The following SIPA1L3 variants were observed in gnomAD, a reference collection of about 807,000 sequenced individuals.
SIPA1L3 encodes the protein signal-induced proliferation-associated 1-like protein 3.
SIPA1L3 carries 59 observed loss-of-function variants against 150.1 expected under a neutral mutation model. That is an observed-to-expected ratio of 0.39 (90% CI 0.32 to 0.49). SIPA1L3 has a LOEUF of 0.49. SIPA1L3 is among the 20% of genes least tolerant of loss of function. SIPA1L3 has a pLI of 0.86. For missense variants in SIPA1L3, 2,211 were observed against 2,489.5 expected (o/e 0.89, Z 2.38); for synonymous variants, 1,070 against 1,077.6 (o/e 0.99, Z 0.14).
At chr19:38,125,201 A>T (rs1303490713) in intron 9 of SIPA1L3, among the ~76,000 whole-genome samples, 1 of 151,920 alleles carries the variant, frequency 6.6e-6, no homozygotes, top group Non-Finnish European at 1.5e-5. Flanking sequence ...ATGCTCAGCT[A>T]ATTTTTGCCT....
At chr19:37,991,761 G>A (rs570923456) in intron 1 of SIPA1L3, among the ~76,000 whole-genome samples, 30 of 152,314 alleles carry the variant, frequency 2.0e-4, no homozygotes, top group Admixed American at 1.0e-3. Context: ...CTGATGCTTT[G>A]GAGCTGGAGA....
At chr19:37,913,637 C>A (rs1170454799) in intron 1 of SIPA1L3, among the ~76,000 whole-genome samples, 1 of 151,586 alleles carries the variant, frequency 6.6e-6, no homozygotes, top group Non-Finnish European at 1.5e-5. Flanking sequence ...CTCAGGTGAT[C>A]TGCCTACCTT....
intron 1 of SIPA1L3, among the ~76,000 whole-genome samples, chr19:37,953,085 G>A (rs544050853): frequency 4.9e-4 from 75 of 152,324 alleles, no homozygotes; most frequent in African/African-American, 1.5e-3. Context: ...TTAGCCAGGC[G>A]TGGTGGCGGA....
At chr19:38,145,070 GCAGT>G (rs1971675133) in intron 12 of SIPA1L3, among the ~76,000 whole-genome samples, 1 of 152,164 alleles carries the variant, frequency 6.6e-6, no homozygotes, top group Non-Finnish European at 1.5e-5. Flanking sequence ...GTTGGAAATG[GCAGT>G]CAGAGTGACT....
In SIPA1L3 at chr19:38,081,844, G is replaced by C. The variant is rs1266518560; in HGVS notation, c.279G>C (p.Leu93=). The change falls in exon 3 of 22, where the codon CTG becomes CTC. Residue 93 remains leucine (L), a synonymous_variant. Coordinates refer to ENST00000222345, the MANE Select transcript of SIPA1L3 (RefSeq NM_015073.3). ...ACTGGCCGCCCAAGCGGGAGGCCCT[G>C]AGAGAGCACAGCAACCCAAGCCCCT... ...VADWPPKREA[L]REHSNPSPSQ... The C allele has an allele frequency of 3.7e-6, 6 of 1,613,964 alleles. No individual in the cohort carries two copies. Among genetic ancestry groups the C allele is most frequent in the Non-Finnish European group, 5.1e-6 (6 of 1,179,930 alleles).
In SIPA1L3 at chr19:38,082,312, C is replaced by A. The variant is rs371388254; in HGVS notation, c.747C>A (p.His249Gln). 14 of 1,599,216 alleles carry A rather than the reference C, an allele frequency of 8.8e-6. No individual in the cohort carries two copies. The highest frequency in any genetic ancestry group is 1.1e-5 in the Non-Finnish European group (13 of 1,179,172). ...TELLRADPGPHLMGGGGGAKG... is the reference protein window; with the variant it reads ...TELLRADPGPQLMGGGGGAKG... ...TCCTCCGGGCAGATCCTGGCCCACA[C>A]CTCATGGGGGGCGGCGGCGGAGCCA... The change falls in exon 3 of 22, where the codon CAC (histidine) becomes CAA (glutamine). Residue 249 changes from histidine to glutamine, a missense_variant. This residue lies in a region of SIPA1L3 where 587 missense variants were observed against 534.5 expected (regional missense o/e 1.10). Transcript: ENST00000222345.
intron 15 of SIPA1L3, among the ~76,000 whole-genome samples, chr19:38,170,805 C>T (rs1317264201): frequency 1.3e-5 from 2 of 151,908 alleles, no homozygotes; most frequent in African/African-American, 4.8e-5. Context: ...CGATAATGTT[C>T]CTGAACGAGG....
intron 1 of SIPA1L3, among the ~76,000 whole-genome samples, chr19:37,919,109 TC>T (rs2046437168): frequency 6.6e-6 from 1 of 152,066 alleles, no homozygotes; most frequent in African/African-American, 2.4e-5. Context: ...CACAGTGGTT[TC>T]CTCTGTCAAC....
intron 16 of SIPA1L3, among the ~76,000 whole-genome samples, chr19:38,189,710 G>A (rs1007049543): frequency 2.0e-5 from 3 of 152,150 alleles, no homozygotes; most frequent in African/African-American, 7.2e-5. Context: ...AGGTTGCAGT[G>A]AGGCAAGATC....
At chr19:37,977,682 A>C (rs919794896) in intron 1 of SIPA1L3, among the ~76,000 whole-genome samples, 2 of 152,080 alleles carry the variant, frequency 1.3e-5, no homozygotes, top group African/African-American at 4.8e-5. Flanking sequence ...TCCAGGCTCC[A>C]GGCAGGTCCA....
chr19:37,976,897 C>T (rs971656836), intron 1 of SIPA1L3, among the ~76,000 whole-genome samples: 1 of 152,154 alleles, frequency 6.6e-6, no homozygotes, highest in African/African-American at 2.4e-5. Context: ...TTCAGTGGCA[C>T]AAACACAGCT....
chr19:38,194,183 C>T (rs1191028535), intron 18 of SIPA1L3, among the ~76,000 whole-genome samples: 1 of 150,444 alleles, frequency 6.6e-6, no homozygotes, highest in African/African-American at 2.4e-5. Context: ...CCTGACTGCT[C>T]CCATGTTTGC....
intron 10 of SIPA1L3, among the ~76,000 whole-genome samples, chr19:38,136,050 TTTTG>T (rs1340714853): frequency 1.5e-4 from 23 of 151,564 alleles, no homozygotes; most frequent in South Asian, 4.2e-4. Context: ...GTTTGGGTTT[TTTTG>T]TTTGTTTGTT....
At chr19:38,038,869 CTTTAATTTTTTAAT>C (rs1968848851) in intron 2 of SIPA1L3, among the ~76,000 whole-genome samples, 1 of 152,106 alleles carries the variant, frequency 6.6e-6, no homozygotes, top group South Asian at 2.1e-4. Flanking sequence ...GTTTGCATTT[CTTTAATTTTTTAAT>C]TTTAATTTTT....
At chr19:38,065,263 A>G (rs1400764968) in intron 2 of SIPA1L3, among the ~76,000 whole-genome samples, 3 of 152,036 alleles carry the variant, frequency 2.0e-5, no homozygotes, top group African/African-American at 7.2e-5. Flanking sequence ...TGCCTTTGGA[A>G]ACATGCAAAT....
At chr19:37,963,862 A>G (rs1005373093) in intron 1 of SIPA1L3, 1 of 152,192 alleles carries the variant, frequency 6.6e-6, no homozygotes, top group Admixed American at 6.5e-5. Flanking sequence ...CCAAATTTCC[A>G]AACTTTAAAT....
intron 12 of SIPA1L3, among the ~76,000 whole-genome samples, chr19:38,144,972 A>G (rs1971673319): frequency 1.3e-5 from 2 of 152,124 alleles, no homozygotes; most frequent in Admixed American, 6.5e-5. Context: ...AACAAGCAGG[A>G]TGCTGTGAAA....
At chr19:38,106,990 AAG>A (rs1970637061) in intron 7 of SIPA1L3, among the ~76,000 whole-genome samples, 1 of 152,232 alleles carries the variant, frequency 6.6e-6, no homozygotes, top group Non-Finnish European at 1.5e-5. Context: ...TAACTAGAAA[AAG>A]AGATTTATGG....
chr19:38,040,478 A>G (rs1035883334), intron 2 of SIPA1L3, among the ~76,000 whole-genome samples: 4 of 152,114 alleles, frequency 2.6e-5, no homozygotes, highest in Non-Finnish European at 5.9e-5. Flanking sequence ...AACATGGGTA[A>G]GTGGCTGAGT....
Sources: allele counts gnomAD v4.1 joint callset (sites outside exome capture counted in the v4.1 genomes callset), GRCh38; gene constraint gnomAD v4.1.1; regional missense constraint gnomAD v4.1.1; transcripts MANE v1.5; gene names NCBI Gene and HGNC (gene_info 2026-07-23, HGNC 2026-07-21).